NTM: variants seen among roughly 807,000 people sequenced by gnomAD.
The protein encoded by NTM is neurotrimin, also known as IgLON family member 2.
A neutral mutation model predicts 42.1 loss-of-function variants in NTM; 13 were observed. The ratio of observed to expected loss-of-function variants is 0.31; its 90% CI spans 0.20 to 0.49. NTM has a LOEUF of 0.49. Ranked by LOEUF, NTM falls within the 20% of genes least tolerant of loss-of-function variation. The probability of loss-of-function intolerance (pLI) is 0.99; values close to 1 mark genes in which losing one functional copy is unlikely to be tolerated. For missense variants in NTM, 373 were observed against 452.8 expected, an observed-to-expected ratio of 0.82 and a Z score of 1.60; for synonymous variants, 187 against 179.2, an observed-to-expected ratio of 1.04 and a Z score of -0.35.
chr11:131,384,885 T>C (rs1284915581), intron 1 of NTM, among the ~76,000 whole-genome samples: 1 of 152,222 alleles, frequency 6.6e-6, no homozygotes, highest in East Asian at 1.9e-4. Context: ...TACTCTACTT[T>C]GTCTGTTCAT....
chr11:131,702,313 CAT>C (rs2076158768), intron 1 of NTM, among the ~76,000 whole-genome samples: 1 of 152,198 alleles, frequency 6.6e-6, no homozygotes, highest in Non-Finnish European at 1.5e-5. Context: ...TAAAAGTCAA[CAT>C]ATAGTGAGTG....
chr11:132,323,772 C>G (rs2095621179), intron 7 of NTM, among the ~76,000 whole-genome samples: 1 of 152,044 alleles, frequency 6.6e-6, no homozygotes, highest in Admixed American at 6.5e-5. Flanking sequence ...ATGCAAAATC[C>G]TCAATAAAAT....
intron 2 of NTM, among the ~76,000 whole-genome samples, chr11:132,040,286 G>T (rs971026716): frequency 1.3e-5 from 2 of 152,126 alleles, no homozygotes; most frequent in African/African-American, 4.8e-5. Flanking sequence ...ATTTCTGTTT[G>T]TATCTCAGTT....
chr11:131,425,063 G>T (rs1006728358), intron 1 of NTM, among the ~76,000 whole-genome samples: 7 of 151,368 alleles, frequency 4.6e-5, no homozygotes, highest in Non-Finnish European at 7.4e-5. Flanking sequence ...TGTATTTTTA[G>T]TGGAGACAGG....
chr11:131,393,837 G>T (rs1390049951), intron 1 of NTM, among the ~76,000 whole-genome samples: 1 of 152,224 alleles, frequency 6.6e-6, no homozygotes, highest in Non-Finnish European at 1.5e-5. Flanking sequence ...CCAGTGATAC[G>T]TGCAATTGGG....
chr11:132,131,618 G>GC lies in NTM; in HGVS notation c.168-14663dup, dbSNP rs371132746. Among the ~76,000 whole-genome samples, 12 of 152,188 alleles carry GC rather than the reference G, an allele frequency of 7.9e-5. 1 individual carries two copies. The highest frequency in any genetic ancestry group is 2.9e-4 in the African/African-American group (12 of 41,518). The stretch of plus-strand genomic sequence containing the variant: ...GGGAAATGGGTTGGGGCATGGGAGA[G>GC]CATGCCACACTAAGGAAGCTGCAGG... On this transcript the variant is annotated intron_variant, in intron 2 of 8. Coordinates refer to ENST00000683400, the MANE Select transcript of NTM (RefSeq NM_001352005.2).
intron 1 of NTM, among the ~76,000 whole-genome samples, chr11:131,436,525 T>C (rs1035929585): frequency 6.6e-6 from 1 of 152,208 alleles, no homozygotes; most frequent in Non-Finnish European, 1.5e-5. Context: ...GGTGTATGTG[T>C]CCAGAAATTT....
intron 1 of NTM, among the ~76,000 whole-genome samples, chr11:131,550,742 G>C (rs1418642342): frequency 6.6e-6 from 1 of 152,128 alleles, no homozygotes; most frequent in Non-Finnish European, 1.5e-5. Flanking sequence ...AGGCTGAGAT[G>C]AGACGATCCT....
chr11:132,243,480 G>T (rs959239423), intron 4 of NTM, among the ~76,000 whole-genome samples: 1 of 152,128 alleles, frequency 6.6e-6, no homozygotes, highest in East Asian at 1.9e-4. Context: ...GGCTGGCCTG[G>T]GAGTGCAGAA....
intron 4 of NTM, among the ~76,000 whole-genome samples, chr11:132,301,303 T>G (rs1039060741): frequency 6.6e-6 from 1 of 152,056 alleles, no homozygotes; most frequent in South Asian, 2.1e-4. Flanking sequence ...GGGAAACCAC[T>G]CCCATGATTC....
intron 1 of NTM, among the ~76,000 whole-genome samples, chr11:131,526,759 G>A (rs1329543769): frequency 6.6e-6 from 1 of 152,198 alleles, no homozygotes; most frequent in Non-Finnish European, 1.5e-5. Flanking sequence ...GTGGCATTTA[G>A]AGAAATATTA....
At chr11:131,672,246 C>T (rs573921817) in intron 1 of NTM, among the ~76,000 whole-genome samples, 4 of 152,310 alleles carry the variant, frequency 2.6e-5, no homozygotes, top group African/African-American at 9.6e-5. Context: ...GGGGAGGCCT[C>T]AAAGCATAGC....
At position 132,146,197 on chromosome 11, in the gene NTM, A is replaced by G; in HGVS notation, c.168-85A>G. The G allele has an allele frequency of 6.5e-7, 1 of 1,548,666 alleles. No individual in the cohort carries two copies. ...TTGGGGGAAGGGAGAAAGACAAGAT[A>G]TTCTAGCCTTGCCATGAGGACCTCC... is the stretch of plus-strand genomic sequence containing the variant. On this transcript the variant is annotated intron_variant, in intron 2 of 8. Transcript: ENST00000683400. The surrounding 1 kb of genome is among the most constrained non-coding windows in gnomAD (Gnocchi z 4.5).
At chr11:131,444,776 T>G (rs1949915345) in intron 1 of NTM, among the ~76,000 whole-genome samples, 1 of 152,084 alleles carries the variant, frequency 6.6e-6, no homozygotes, top group Non-Finnish European at 1.5e-5. Context: ...AGGATACAAG[T>G]GGAATCAGTT....
At chr11:131,706,279 G>A (rs891718575) in intron 1 of NTM, among the ~76,000 whole-genome samples, 3 of 151,978 alleles carry the variant, frequency 2.0e-5, no homozygotes, top group African/African-American at 7.2e-5. Flanking sequence ...AATTCATGAA[G>A]AGGATATAAC....
intron 2 of NTM, among the ~76,000 whole-genome samples, chr11:132,035,421 C>T (rs1321829004): frequency 6.6e-6 from 1 of 152,146 alleles, no homozygotes; most frequent in East Asian, 1.9e-4. Flanking sequence ...TATGCATAGT[C>T]GGCTGTCAAA....
intron 1 of NTM, among the ~76,000 whole-genome samples, chr11:131,628,864 A>C (rs2063378230): frequency 6.6e-6 from 1 of 152,192 alleles, no homozygotes; most frequent in Non-Finnish European, 1.5e-5. Flanking sequence ...GCAGATGTCC[A>C]GTTGGGGTGA....
chr11:131,997,893 T>A (rs1300624146), intron 2 of NTM, among the ~76,000 whole-genome samples: 1 of 152,136 alleles, frequency 6.6e-6, no homozygotes, highest in East Asian at 1.9e-4. Context: ...TGCTTTGAAC[T>A]GCTGAAGAAC....
At chr11:131,505,263 A>T (rs1591858986) in intron 1 of NTM, among the ~76,000 whole-genome samples, 1 of 152,194 alleles carries the variant, frequency 6.6e-6, no homozygotes, top group Non-Finnish European at 1.5e-5. Flanking sequence ...GTAACTATCA[A>T]ACAAGTAATG....
Sources: gnomAD v4.1 joint callset for allele counts (sites outside exome capture counted in the v4.1 genomes callset) on GRCh38, gnomAD v4.1.1 for gene constraint, Gnocchi (gnomAD v3.1) non-coding constraint, MANE v1.5 for transcripts, NCBI Gene and HGNC (gene_info 2026-07-23, HGNC 2026-07-21) for gene names.